POLK: variants seen among roughly 807,000 people sequenced by gnomAD.
POLK encodes the protein DNA polymerase kappa, also known as polymerase (DNA directed) kappa.
POLK carries 76 observed loss-of-function variants against 94.0 expected under a neutral mutation model. The ratio of observed to expected loss-of-function variants is 0.81; its 90% CI spans 0.67 to 0.98. The LOEUF is 0.98. POLK is among the 50% of genes least tolerant of loss of function. POLK has a pLI of 0.00. For synonymous variants in POLK, 349 were observed against 325.4 expected (o/e 1.07, Z -0.78); for missense variants, 954 against 1,010.1 (o/e 0.94, Z 0.75).
At chr5:75,602,158 A>G (rs1773309400), downstream of POLK, among the ~76,000 whole-genome samples, 1 of 152,160 alleles carries the variant, frequency 6.6e-6, no homozygotes, top group African/African-American at 2.4e-5. Context: ...AGGAAGCTCA[A>G]CCAATCCTTG....
intron 4 of POLK, among the ~76,000 whole-genome samples, chr5:75,572,867 G>A (rs1210559282): frequency 2.0e-5 from 3 of 152,018 alleles, no homozygotes; most frequent in Non-Finnish European, 4.4e-5. Flanking sequence ...GAAACAACAG[G>A]TGCTGGAGAG....
intron 1 of POLK, among the ~76,000 whole-genome samples, chr5:75,522,719 A>G (rs1768646182): frequency 6.6e-6 from 1 of 152,162 alleles, no homozygotes. Context: ...TAATGATTAA[A>G]TAAACCCTAG....
At chr5:75,532,639 T>G (rs186915573) in intron 1 of POLK, among the ~76,000 whole-genome samples, 15 of 152,340 alleles carry the variant, frequency 9.8e-5, no homozygotes, top group African/African-American at 3.4e-4. Context: ...TAATTCTGTT[T>G]TAAGTTCTTT....
the POLK span, among the ~76,000 whole-genome samples, chr5:75,606,986 G>A: frequency 1.3e-5 from 2 of 152,138 alleles, no homozygotes; most frequent in South Asian, 4.1e-4. Flanking sequence ...AGAAGCATAT[G>A]CAAATCCTCT....
At position 75,534,585 on chromosome 5, in the gene POLK, AT is replaced by A. The variant is rs1219777228; in HGVS notation, c.-13-12423del. 2.0e-5 allele frequency among the ~76,000 whole-genome samples: 3 copies of A among 152,090 alleles called. No individual in the cohort carries two copies. The East Asian group carries it at 5.8e-4, about 29-fold the overall frequency. ...TGGGGTGTTACAATCTCCCACCATTATTGTGTGGTTATCTAAGTTTCTTCAT... is the reference window on the plus strand; with the variant it reads ...TGGGGTGTTACAATCTCCCACCATTATGTGTGGTTATCTAAGTTTCTTCAT... On this transcript the variant is annotated intron_variant, in intron 1 of 14. Coordinates refer to ENST00000241436, the Ensembl canonical transcript of POLK.
chr5:75,575,190 GT>G (rs889055191), intron 5 of POLK, among the ~76,000 whole-genome samples: 4 of 151,666 alleles, frequency 2.6e-5, no homozygotes, highest in African/African-American at 7.3e-5. Context: ...AAGCCCTCCC[GT>G]TTTTTTTGAC....
chr5:75,535,467 G>C lies in POLK; in HGVS notation c.-13-11543G>C, dbSNP rs141664360. On this transcript the variant is annotated intron_variant, in intron 1 of 14. Coordinates refer to ENST00000241436, the Ensembl canonical transcript of POLK. ...GTGCAGTATTTCACAGGGGTTCTCT[G>C]CATTTCCTGAATTTGAATGTTGGCC... Among the ~76,000 whole-genome samples, 110 of 152,216 alleles carry C rather than the reference G, an allele frequency of 7.2e-4. 1 individual carries two copies. The highest frequency in any genetic ancestry group is 2.6e-3 in the African/African-American group (106 of 41,542).
At chr5:75,593,959 A>G (rs1283040864) in exon 12 of POLK, 2 of 1,606,292 alleles carry the variant, frequency 1.2e-6, no homozygotes, top group Non-Finnish European at 1.7e-6. Context: ...TGTTGTTTCT[A>G]CTGCAGAAGA....
At position 75,556,802 on chromosome 5, in the gene POLK, C is replaced by T. The variant is rs577444224; in HGVS notation, c.255+4211C>T. ...TCTTGCTAGGTGTGGCGGCTCACGC[C>T]TGTAATCCCAGCACTTTGGGAGACC... On this transcript the variant is annotated intron_variant, in intron 3 of 14. Transcript: ENST00000241436. Among the ~76,000 whole-genome samples the T allele has an allele frequency of 3.6e-4, 54 of 152,058 alleles. 1 individual carries two copies. Among genetic ancestry groups the T allele is most frequent in the African/African-American group, 8.7e-4 (36 of 41,456 alleles).
chr5:75,591,762 C>T (rs1772799042), intron 11 of POLK, among the ~76,000 whole-genome samples: 1 of 152,152 alleles, frequency 6.6e-6, no homozygotes, highest in Non-Finnish European at 1.5e-5. Context: ...TAGTACTATA[C>T]AGGTATTCTG....
At chr5:75,515,813 G>A (rs931825760) in intron 1 of POLK, among the ~76,000 whole-genome samples, 1 of 152,136 alleles carries the variant, frequency 6.6e-6, no homozygotes, top group Non-Finnish European at 1.5e-5. Flanking sequence ...GGCCGCCCAT[G>A]GTGACTGAGG....
chr5:75,566,878 G>A (rs1206857342), intron 3 of POLK, among the ~76,000 whole-genome samples: 2 of 152,210 alleles, frequency 1.3e-5, no homozygotes, highest in Non-Finnish European at 2.9e-5. Context: ...AAGGAACAAC[G>A]TGCATGTTGG....
intron 11 of POLK, among the ~76,000 whole-genome samples, chr5:75,590,949 C>T (rs1772750543): frequency 6.6e-6 from 1 of 152,160 alleles, no homozygotes; most frequent in South Asian, 2.1e-4. Flanking sequence ...ATAATCTTCA[C>T]TCACAACAAT....
intron 2 of POLK, among the ~76,000 whole-genome samples, chr5:75,550,628 C>T (rs1429380417): frequency 1.3e-5 from 2 of 151,900 alleles, no homozygotes; most frequent in African/African-American, 2.4e-5. Context: ...TAATGTAATA[C>T]ATCATATTAA....
downstream of POLK, among the ~76,000 whole-genome samples, chr5:75,602,086 C>T (rs1773307902): frequency 6.6e-6 from 1 of 152,170 alleles, no homozygotes; most frequent in African/African-American, 2.4e-5. Flanking sequence ...TGTTGAGTCA[C>T]ATGGGGACAT....
chr5:75,584,891 T>C (rs1178429767), exon 9 of POLK: 4 of 1,606,820 alleles, frequency 2.5e-6, no homozygotes, highest in Admixed American at 3.4e-5. Flanking sequence ...ATTTCCTTCA[T>C]ATCTCCTTGG....
chr5:75,559,505 G>GTTTGTTTT (rs1770841566), intron 3 of POLK, among the ~76,000 whole-genome samples: 1 of 70,080 alleles, frequency 1.4e-5, no homozygotes, highest in East Asian at 4.3e-4. Flanking sequence ...TTTGGGGTTT[G>GTTTGTTTT]TTTTTTTGTT....
the POLK span, among the ~76,000 whole-genome samples, chr5:75,608,662 G>C: frequency 6.6e-6 from 1 of 152,206 alleles, no homozygotes; most frequent in Non-Finnish European, 1.5e-5. Context: ...GATGATCCGA[G>C]AAGGCTCCTC....
intron 6 of POLK, 56 bp from the exon 7 acceptor site, chr5:75,581,153 T>TA: frequency 3.2e-6 from 4 of 1,255,596 alleles, no homozygotes. Flanking sequence ...AAACCTAACT[T>TA]ATGAAGTATA....
Sources: gnomAD v4.1 joint callset for allele counts (sites outside exome capture counted in the v4.1 genomes callset) on GRCh38, gnomAD v4.1.1 for gene constraint, MANE v1.5 for transcripts, NCBI Gene and HGNC (gene_info 2026-07-23, HGNC 2026-07-21) for gene names.